Variants in LRP1B observed in about 807,000 individuals in gnomAD.
The protein encoded by LRP1B is LDL receptor related protein 1B.
A neutral mutation model predicts 556.6 loss-of-function variants in LRP1B; 217 were observed. The observed-to-expected ratio is 0.39, with a 90% CI of 0.35 to 0.44. LRP1B has a LOEUF of 0.44. Ranked by LOEUF, LRP1B falls within the 20% of genes least tolerant of loss-of-function variation. The pLI is 1.00. For missense variants in LRP1B, 5,053 were observed against 5,620.8 expected (o/e 0.90, Z 3.23); for synonymous variants, 2,047 against 1,865.8 (o/e 1.10, Z -2.50).
intron 1 of LRP1B, among the ~76,000 whole-genome samples, chr2:141,995,421 C>T (rs1013854260): frequency 1.1e-4 from 17 of 152,176 alleles, no homozygotes; most frequent in African/African-American, 3.9e-4. Flanking sequence ...GACTCTGACT[C>T]TTCCGCCTCC....
At chr2:142,123,931 C>T (rs1476302462) in intron 1 of LRP1B, among the ~76,000 whole-genome samples, 8 of 151,906 alleles carry the variant, frequency 5.3e-5, no homozygotes, top group South Asian at 4.1e-4. Context: ...AAAAGCGTTA[C>T]GTATTTACAA....
chr2:140,495,753 GA>G lies in LRP1B; in HGVS notation c.8851-6del. On this transcript the variant is annotated splice_polypyrimidine_tract_variant and splice_region_variant and intron_variant, in intron 55 of 90. Coordinates refer to ENST00000389484, the MANE Select transcript of LRP1B (RefSeq NM_018557.3). ...GAATCCAGGCCAGCATTTGCACTGGGAAAAGAAAAATGAGCATAATCAATTC... is the reference window on the plus strand; with the variant it reads ...GAATCCAGGCCAGCATTTGCACTGGGAAAGAAAAATGAGCATAATCAATTC... The G allele has an allele frequency of 6.3e-7, 1 of 1,596,700 alleles. No individual in the cohort carries two copies. Among genetic ancestry groups the G allele is most frequent in the South Asian group, 1.1e-5 (1 of 90,598 alleles).
intron 2 of LRP1B, among the ~76,000 whole-genome samples, chr2:141,519,201 G>A (rs565169502): frequency 6.6e-6 from 1 of 151,642 alleles, no homozygotes; most frequent in South Asian, 2.1e-4. Flanking sequence ...ATTTAAATAA[G>A]CCAGTCAGCC....
intron 87 of LRP1B, among the ~76,000 whole-genome samples, chr2:140,243,257 A>G (rs1681026308): frequency 6.6e-6 from 1 of 151,034 alleles, no homozygotes; most frequent in South Asian, 2.1e-4. Context: ...AGAGTTGATA[A>G]CTCATGTCAA....
chr2:141,544,304 C>CTTCTTCTTCTTCTTCTT (rs1685391188), intron 2 of LRP1B, among the ~76,000 whole-genome samples: 2 of 9,338 alleles, frequency 2.1e-4, no homozygotes, highest in African/African-American at 6.3e-4. Flanking sequence ...CACTCTTCTT[C>CTTCTTCTTCTTCTTCTT]TTCTTCTTCT....
At chr2:140,697,807 C>T (rs1686485180) in intron 41 of LRP1B, among the ~76,000 whole-genome samples, 1 of 151,974 alleles carries the variant, frequency 6.6e-6, no homozygotes, top group Non-Finnish European at 1.5e-5. Context: ...TATTGCCTTA[C>T]ACAGAGTTTC....
At chr2:140,764,958 G>T (rs1354106412) in intron 35 of LRP1B, among the ~76,000 whole-genome samples, 2 of 152,054 alleles carry the variant, frequency 1.3e-5, no homozygotes, top group Admixed American at 6.6e-5. Context: ...GTAAGTTCCA[G>T]ACAATGACAT....
intron 2 of LRP1B, among the ~76,000 whole-genome samples, chr2:141,589,097 T>G (rs868069972): frequency 6.6e-6 from 1 of 152,214 alleles, no homozygotes; most frequent in Non-Finnish European, 1.5e-5. Flanking sequence ...TATATTTTTA[T>G]ACTAGTTGTT....
chr2:140,656,745 A>C (rs1220875814), intron 41 of LRP1B, among the ~76,000 whole-genome samples: 1 of 152,158 alleles, frequency 6.6e-6, no homozygotes, highest in African/African-American at 2.4e-5. Flanking sequence ...CTTTCAGGGA[A>C]TTTTCAATAA....
chr2:140,954,420 CT>C (rs1695814285), intron 18 of LRP1B, among the ~76,000 whole-genome samples: 1 of 151,940 alleles, frequency 6.6e-6, no homozygotes, highest in Non-Finnish European at 1.5e-5. Context: ...CTATAATAAG[CT>C]AATTTAAATT....
At chr2:140,622,053 A>ATT (rs1683477443) in intron 41 of LRP1B, among the ~76,000 whole-genome samples, 1 of 152,204 alleles carries the variant, frequency 6.6e-6, no homozygotes, top group Non-Finnish European at 1.5e-5. Flanking sequence ...TTCTCATTCA[A>ATT]TTTATTTACT....
chr2:141,927,755 G>A (rs13013316), intron 1 of LRP1B, among the ~76,000 whole-genome samples: 32,191 of 151,734 alleles, frequency 0.21, 3,874 homozygotes, highest in East Asian at 0.43. Flanking sequence ...AAAGACTGAT[G>A]GAAGAATCAT....
At chr2:142,042,208 T>C (rs1704089838) in intron 1 of LRP1B, among the ~76,000 whole-genome samples, 1 of 151,350 alleles carries the variant, frequency 6.6e-6, no homozygotes, top group Non-Finnish European at 1.5e-5. Flanking sequence ...TAAGCCTTAC[T>C]TGGCAGTAAT....
chr2:140,844,831 C>T (rs572368955), intron 29 of LRP1B, among the ~76,000 whole-genome samples: 3 of 152,260 alleles, frequency 2.0e-5, no homozygotes, highest in East Asian at 1.9e-4. Flanking sequence ...TGCTAACACA[C>T]ACTCACACAT....
chr2:141,956,765 G>T (rs1701265827), intron 1 of LRP1B, among the ~76,000 whole-genome samples: 1 of 151,940 alleles, frequency 6.6e-6, no homozygotes, highest in East Asian at 1.9e-4. Flanking sequence ...CACATAGAAG[G>T]GATAAAACAT....
At chr2:141,270,418 A>C (rs1304911198) in intron 3 of LRP1B, among the ~76,000 whole-genome samples, 1 of 152,074 alleles carries the variant, frequency 6.6e-6, no homozygotes, top group Non-Finnish European at 1.5e-5. Flanking sequence ...ATGATACACT[A>C]TTCCACTTCT....
At chr2:142,088,997 GA>G (rs1285131830) in intron 1 of LRP1B, among the ~76,000 whole-genome samples, 3 of 22,900 alleles carry the variant, frequency 1.3e-4, no homozygotes, top group Non-Finnish European at 2.8e-4. Flanking sequence ...AAAAAAAAAA[GA>G]AAAAGAAAAA....
chr2:141,254,086 T>C (rs1684370101), intron 4 of LRP1B, among the ~76,000 whole-genome samples: 1 of 152,076 alleles, frequency 6.6e-6, no homozygotes, highest in Admixed American at 6.6e-5. Flanking sequence ...ATGTTCATTA[T>C]TACATTATTA....
intron 2 of LRP1B, among the ~76,000 whole-genome samples, chr2:141,618,092 C>T (rs1031981952): frequency 1.3e-5 from 2 of 152,246 alleles, no homozygotes; most frequent in African/African-American, 4.8e-5. Context: ...TATTCATGCT[C>T]TTATGGGCAT....
Sources: allele counts gnomAD v4.1 joint callset (sites outside exome capture counted in the v4.1 genomes callset), GRCh38; gene constraint gnomAD v4.1.1; transcripts MANE v1.5; gene names NCBI Gene and HGNC (gene_info 2026-07-23, HGNC 2026-07-21).